The following IPO4 variants were observed in gnomAD, a reference collection of about 807,000 sequenced individuals.
IPO4 encodes importin-4.
IPO4 carries 91 observed loss-of-function variants against 133.5 expected under a neutral mutation model. That is an observed-to-expected ratio of 0.68 (90% CI 0.58 to 0.81). IPO4 has a LOEUF of 0.81. IPO4 is among the 30% of genes least tolerant of loss of function. IPO4 has a pLI of 0.00. For synonymous variants in IPO4, 607 were observed against 581.6 expected, an observed-to-expected ratio of 1.04 and a Z score of -0.63; for missense variants, 1,279 against 1,386.2, an observed-to-expected ratio of 0.92 and a Z score of 1.23.
intron 28 of IPO4, 71 bp downstream of exon 28, chr14:24,181,442 A>C: frequency 7.6e-7 from 1 of 1,313,810 alleles, no homozygotes; most frequent in South Asian, 1.3e-5. Flanking sequence ...CCCGAGCCTC[A>C]TCAGCAGACA....
At chr14:24,184,597 A>T in intron 16 of IPO4, 53 bp downstream of exon 16, 1 of 1,454,126 alleles carries the variant, frequency 6.9e-7, no homozygotes, top group Non-Finnish European at 9.3e-7. Flanking sequence ...ACACCAGGTG[A>T]GCACCAGCCC....
At chr14:24,188,660 G>C in intron 1 of IPO4, 22 bp from the exon 2 acceptor site, 1 of 1,605,772 alleles carries the variant, frequency 6.2e-7, no homozygotes, top group Non-Finnish European at 8.5e-7. Flanking sequence ...CTAGGGGTGA[G>C]AGTTGGGCCT....
In IPO4 at chr14:24,188,200, G is replaced by C; in HGVS notation, c.278+16C>G. 1 of 1,611,612 alleles carries C rather than the reference G, an allele frequency of 6.2e-7. No homozygotes were observed. The highest frequency in any genetic ancestry group is 1.1e-5 in the South Asian group (1 of 90,602). On this transcript the variant is annotated intron_variant, in intron 4 of 29. Coordinates refer to ENST00000354464, the MANE Select transcript of IPO4 (RefSeq NM_024658.4). The stretch of plus-strand genomic sequence containing the variant: ...CAAAGTCGTCAAGATCCCGAGAGAA[G>C]TGGGTAGGTACTTACTCTGTTTCTC...
At position 24,181,574 on chromosome 14, in the gene IPO4, A is replaced by G. The variant is rs758419289; in HGVS notation, c.2984T>C (p.Leu995Ser). The G allele has an allele frequency of 6.2e-6, 10 of 1,611,784 alleles. No homozygotes were observed. In the South Asian group the frequency reaches 1.1e-4, roughly 18 times the overall value. The stretch of plus-strand genomic sequence containing the variant: ...GCGCCCAATGGTGACCCACTCCTCC[A>G]AGTCCTCCTTCAGTGGCAGGGCATG... ...LLHALPLKED[L>S]EEWVTIGRLF... The change falls in exon 28 of 30, where the codon TTG (leucine) becomes TCG (serine). Residue 995 changes from leucine to serine, a missense_variant. Around this residue, in one of 3 missense-constraint regions of IPO4, gnomAD observed 575 missense variants for 653.4 expected, o/e 0.88. Transcript: ENST00000354464.
In IPO4 at chr14:24,186,270, C is replaced by A. The variant is rs1429522604; in HGVS notation, c.1005+17G>T. The A allele has an allele frequency of 6.2e-7, 1 of 1,603,882 alleles. No homozygotes were observed. The highest frequency in any genetic ancestry group is 2.2e-5 in the East Asian group (1 of 44,690). ...GCCACCTAACACCTTCCCCCTCTGT[C>A]CTGCCCCACATCTCACTTGTACAGC... is the stretch of plus-strand genomic sequence containing the variant. On this transcript the variant is annotated intron_variant, in intron 10 of 29. Coordinates refer to ENST00000354464, the MANE Select transcript of IPO4 (RefSeq NM_024658.4).
rs748471826 is a variant in IPO4 at position 24,188,793 on chromosome 14, C to T, written c.-6G>A. ...TCTAGCCCGGCTGACTCCATGGCAG[C>T]AACTGAGCCGCCGCTACTGGGCCGA... On this transcript the variant is annotated 5_prime_UTR_variant, in exon 1 of 30. Transcript: ENST00000354464. The T allele has an allele frequency of 1.0e-5, 15 of 1,494,032 alleles. No homozygotes were observed. The highest frequency in any genetic ancestry group is 1.3e-5 in the Non-Finnish European group (15 of 1,123,310). The allele number at this position is 1,494,032 out of a possible 1,614,324, so 92.5% of individuals were successfully genotyped here.
At chr14:24,183,970 T>TGGGGGGG in intron 18 of IPO4, 28 bp downstream of exon 18, 1 of 1,599,756 alleles carries the variant, frequency 6.3e-7, no homozygotes, top group Non-Finnish European at 8.5e-7. Flanking sequence ...AGGGCAGGCC[T>TGGGGGGG]GGCCCAGCCC....
rs1220769184 is a variant in IPO4, at chr14:24,184,650, C to G, written c.1636G>C (p.Glu546Gln). The change falls in exon 16 of 30, where the codon GAG becomes CAG. Residue 546 changes from glutamate (E) to glutamine (Q), a missense_variant and splice_region_variant. Glu to Gln is a conservative substitution (Grantham distance 29, BLOSUM62 2). Around this residue, in one of 3 missense-constraint regions of IPO4, gnomAD observed 695 missense variants for 704.1 expected, o/e 0.99. Coordinates refer to ENST00000354464, the MANE Select transcript of IPO4 (RefSeq NM_024658.4). ...CCCCACCTGGGAACCTCTCACTCAC[C>G]CAGGCTCTGGATCTGCACAGGCTGA... The part of the protein sequence containing the change: ...DLQPVQIQSL[E>Q]TLGVLARAVG... The G allele has an allele frequency of 1.3e-6, 2 of 1,588,770 alleles. No individual in the cohort carries two copies. The highest frequency in any genetic ancestry group is 1.1e-5 in the South Asian group (1 of 87,216).
chr14:24,180,269 C>T lies in IPO4; in HGVS notation c.*173G>A, dbSNP rs919340715. The T allele has an allele frequency of 3.2e-6, 5 of 1,539,040 alleles. No individual in the cohort carries two copies. The highest frequency in any genetic ancestry group is 2.7e-5 in the African/African-American group (2 of 73,162). ...CTTTTATTACAGTATGATGTCATGA[C>T]TCATTTGTAACAGATCCAGCCTCAG... On this transcript the variant is annotated 3_prime_UTR_variant, in exon 30 of 30. Transcript: ENST00000354464.
rs764097238 is a variant in IPO4, at chr14:24,187,124, C to T, written c.615G>A (p.Lys205=). 3 of 1,613,966 alleles carry T rather than the reference C, an allele frequency of 1.9e-6. No homozygotes were observed. The South Asian group carries it at 3.3e-5, about 18-fold the overall frequency. Residue 205 remains lysine (K), a synonymous_variant, in exon 7 of 30, where the codon AAG becomes AAA. Transcript: ENST00000354464. ...TCAGAGTCTGCATGGCCATGATCAGCTTGGGCACCAACATCCGAGCGAGAG... is the reference window on the plus strand; with the variant it reads ...TCAGAGTCTGCATGGCCATGATCAGTTTGGGCACCAACATCCGAGCGAGAG... ...DVPLARMLVP[K]LIMAMQTLIP...
chr14:24,188,603 G>T lies in IPO4; in HGVS notation c.105C>A (p.Pro35=). 1 of 1,612,058 alleles carries T rather than the reference G, an allele frequency of 6.2e-7. No homozygotes were observed. The highest frequency in any genetic ancestry group is 1.1e-5 in the South Asian group (1 of 90,956). Residue 35 remains proline, a synonymous_variant, in exon 2 of 30, where the codon CCC becomes CCA. Coordinates refer to ENST00000354464, the MANE Select transcript of IPO4 (RefSeq NM_024658.4). ...TEQLQIVLRA[P]AALPALCDLL... ...GGTCGCAGAGAGCCGGCAAAGCGGCGGGGGCCCGAAGAACGATCTGGAGCT... is the reference window on the plus strand; with the variant it reads ...GGTCGCAGAGAGCCGGCAAAGCGGCTGGGGCCCGAAGAACGATCTGGAGCT...
At chr14:24,185,746 T>A in intron 12 of IPO4, 115 bp downstream of exon 12, 1 of 992,296 alleles carries the variant, frequency 1.0e-6, no homozygotes, top group Non-Finnish European at 1.6e-6. Flanking sequence ...GCCAGGACAC[T>A]TTTGATAATG....
In IPO4 at chr14:24,188,569, A is replaced by G; in HGVS notation, c.139T>C (p.Ser47Pro). 1 of 1,612,906 alleles carries G rather than the reference A, an allele frequency of 6.2e-7. No homozygotes were observed. The highest frequency in any genetic ancestry group is 2.2e-5 in the East Asian group (1 of 44,856). The change falls in exon 2 of 30, where the codon TCG (serine) becomes CCG (proline). Residue 47 changes from serine (S) to proline (P), a missense_variant. Transcript: ENST00000354464. ...ALPALCDLLA[S>P]AADPQIRQFA... ...GGTCTCACCTGGGGGTCGGCCGCCGAGGCTAGCAGGTCGCAGAGAGCCGGC... is the reference window on the plus strand; with the variant it reads ...GGTCTCACCTGGGGGTCGGCCGCCGGGGCTAGCAGGTCGCAGAGAGCCGGC...
rs372949395 is a variant in IPO4, at chr14:24,188,512, G to A, written c.156+40C>T. The stretch of plus-strand genomic sequence containing the variant: ...CGAATACTGGGGCTTGACCGGTGGC[G>A]TACAGTGGGAAGCTCGGAGGGGAGA... On this transcript the variant is annotated intron_variant, in intron 2 of 29. Transcript: ENST00000354464. The A allele has an allele frequency of 3.3e-5, 53 of 1,607,016 alleles. 1 individual carries two copies. In the African/African-American group the frequency reaches 5.7e-4, roughly 17 times the overall value.
At chr14:24,187,316 C>A in intron 6 of IPO4, 84 bp downstream of exon 6, 7 of 1,539,142 alleles carry the variant, frequency 4.5e-6, no homozygotes, top group East Asian at 2.3e-5. Context: ...GGTAAAGAAT[C>A]CAAAGCAGCT....
chr14:24,183,901 G>A lies in IPO4; in HGVS notation c.1870-3C>T, dbSNP rs1260839522. ...GAGCTGCTCCCGTCATACTGAGGCT[G>A]GAGCGGAGGCACGGCAAGGACTTTG... On this transcript the variant is annotated splice_polypyrimidine_tract_variant and splice_region_variant and intron_variant, in intron 18 of 29. Coordinates refer to ENST00000354464, the MANE Select transcript of IPO4 (RefSeq NM_024658.4). The A allele has an allele frequency of 1.2e-6, 2 of 1,614,010 alleles. No individual in the cohort carries two copies. Among genetic ancestry groups the A allele is most frequent in the Non-Finnish European group, 1.7e-6 (2 of 1,180,014 alleles).
chr14:24,182,195 C>A (rs375088540), intron 25 of IPO4, 32 bp from the exon 26 acceptor site: 1 of 1,613,978 alleles, frequency 6.2e-7, no homozygotes, highest in Non-Finnish European at 8.5e-7. Context: ...GAGTACAGAT[C>A]AGCCTGGGCC....
chr14:24,184,278 C>A lies in IPO4; in HGVS notation c.1757+20G>T. 1 of 1,577,602 alleles carries A rather than the reference C, an allele frequency of 6.3e-7. No individual in the cohort carries two copies. On this transcript the variant is annotated intron_variant, in intron 17 of 29. Coordinates refer to ENST00000354464, the MANE Select transcript of IPO4 (RefSeq NM_024658.4). ...GGAGGGGAGGGGACAAGGGCAGAGG[C>A]AGGGTGAGGGGTCACTCACGTGCAG... is the stretch of plus-strand genomic sequence containing the variant.
intron 5 of IPO4, 21 bp from the exon 6 acceptor site, chr14:24,187,600 G>C (rs938616462): frequency 6.2e-7 from 1 of 1,613,930 alleles, no homozygotes; most frequent in African/African-American, 1.3e-5. Flanking sequence ...ATAGAGGATG[G>C]GAGAGCAAGC....
Sources: allele counts gnomAD v4.1 joint callset, GRCh38; gene constraint gnomAD v4.1.1; regional missense constraint gnomAD v4.1.1; transcripts MANE v1.5; gene names NCBI Gene and HGNC (gene_info 2026-07-23, HGNC 2026-07-21).